The following MYO1D variants were observed in gnomAD, a reference collection of about 807,000 sequenced individuals.
The protein encoded by MYO1D is myosin ID.
A neutral mutation model predicts 122.0 loss-of-function variants in MYO1D; 83 were observed. The ratio of observed to expected loss-of-function variants is 0.68; its 90% CI spans 0.57 to 0.82. The LOEUF (loss-of-function observed/expected upper bound fraction) is 0.82. Among genes scored for constraint, MYO1D ranks in the 40% least tolerant of loss-of-function variants. MYO1D has a pLI of 0.00. For missense variants in MYO1D, 1,157 were observed against 1,269.5 expected, an observed-to-expected ratio of 0.91 and a Z score of 1.35; for synonymous variants, 464 against 446.9, an observed-to-expected ratio of 1.04 and a Z score of -0.48.
At chr17:32,536,886 G>A (rs1217388634) in intron 21 of MYO1D, among the ~76,000 whole-genome samples, 1 of 152,146 alleles carries the variant, frequency 6.6e-6, no homozygotes, top group Non-Finnish European at 1.5e-5. Context: ...TCCTTTCACA[G>A]TTAGAAATCC....
At chr17:32,721,341 T>A (rs2302839) in intron 14 of MYO1D, 152 bp from the exon 15 acceptor site, 6 of 720,510 alleles carry the variant, frequency 8.3e-6, no homozygotes, top group Admixed American at 6.2e-5. Flanking sequence ...TTATTCTTCC[T>A]TTCTCCTTCA....
chr17:32,504,804 A>G (rs1245919445), intron 21 of MYO1D: 2 of 152,290 alleles, frequency 1.3e-5, no homozygotes, highest in Admixed American at 6.5e-5. Flanking sequence ...CACATGGCCA[A>G]TGCTGAGATC....
At chr17:32,798,921 A>G (rs1360016204) in intron 1 of MYO1D, among the ~76,000 whole-genome samples, 1 of 152,222 alleles carries the variant, frequency 6.6e-6, no homozygotes, top group African/African-American at 2.4e-5. Context: ...GGGGCTCAAA[A>G]AGGTTTTTAG....
chr17:32,691,238 C>G (rs866476275), intron 16 of MYO1D, among the ~76,000 whole-genome samples: 43 of 142,166 alleles, frequency 3.0e-4, no homozygotes, highest in Admixed American at 3.6e-4. Context: ...GCCTGGGTGA[C>G]AGAGCAAGAA....
rs781288557 is a variant in MYO1D at position 32,494,757 on chromosome 17, C to T, written c.*2G>A. On this transcript the variant is annotated 3_prime_UTR_variant, in exon 22 of 22. Coordinates refer to ENST00000318217, the MANE Select transcript of MYO1D (RefSeq NM_015194.3). ...GGCTCCGGGCCAGGCCTCCGCGGGGCGTCAGTTCCCGGGCACGCTGAGGAT... is the reference window on the plus strand; with the variant it reads ...GGCTCCGGGCCAGGCCTCCGCGGGGTGTCAGTTCCCGGGCACGCTGAGGAT... The T allele has an allele frequency of 3.1e-6, 5 of 1,595,982 alleles. No individual in the cohort carries two copies. Among genetic ancestry groups the T allele is most frequent in the East Asian group, 4.6e-5 (2 of 43,716 alleles).
intron 1 of MYO1D, among the ~76,000 whole-genome samples, chr17:32,783,225 C>T (rs996487039): frequency 5.9e-5 from 9 of 151,884 alleles, no homozygotes; most frequent in African/African-American, 1.9e-4. Context: ...AACTAAGAGT[C>T]ACAGCAAATT....
intron 21 of MYO1D, among the ~76,000 whole-genome samples, chr17:32,522,857 C>A (rs139634818): frequency 0.026 from 3,957 of 151,298 alleles, 163 homozygotes; most frequent in African/African-American, 0.092. Context: ...CGCTCTGTCG[C>A]CCAGGCTGGA....
intron 1 of MYO1D, among the ~76,000 whole-genome samples, chr17:32,860,834 G>A (rs2091066516): frequency 6.6e-6 from 1 of 152,106 alleles, no homozygotes; most frequent in Non-Finnish European, 1.5e-5. Flanking sequence ...TTCCCTTCCG[G>A]CATTAAAATT....
intron 1 of MYO1D, among the ~76,000 whole-genome samples, chr17:32,787,572 C>A (rs948187505): frequency 1.2e-4 from 19 of 152,102 alleles, no homozygotes; most frequent in Non-Finnish European, 2.9e-5. Context: ...GCGCCCACCA[C>A]CACGCCTGGC....
intron 16 of MYO1D, among the ~76,000 whole-genome samples, chr17:32,693,669 C>T (rs577685670): frequency 9.2e-5 from 14 of 152,274 alleles, no homozygotes; most frequent in East Asian, 7.7e-4. Flanking sequence ...ACCCAGGCAA[C>T]GGATTTGCTG....
At chr17:32,595,620 G>A (rs112855010) in intron 21 of MYO1D, among the ~76,000 whole-genome samples, 5,963 of 152,196 alleles carry the variant, frequency 0.039, 403 homozygotes, top group African/African-American at 0.14. Context: ...GCACCCTACC[G>A]CGAGTGGGGC....
chr17:32,719,989 T>C (rs2089491977), intron 15 of MYO1D, among the ~76,000 whole-genome samples: 1 of 152,226 alleles, frequency 6.6e-6, no homozygotes, highest in African/African-American at 2.4e-5. Context: ...GATCTTTGTA[T>C]GGCTGGCTGC....
At chr17:32,655,612 G>GA (rs2088465659) in intron 17 of MYO1D, among the ~76,000 whole-genome samples, 1 of 152,188 alleles carries the variant, frequency 6.6e-6, no homozygotes, top group Non-Finnish European at 1.5e-5. Flanking sequence ...AAGGCTCCGG[G>GA]ATGTGAGCTT....
intron 21 of MYO1D, among the ~76,000 whole-genome samples, chr17:32,519,967 C>T (rs118134606): frequency 0.027 from 4,162 of 151,796 alleles, 79 homozygotes; most frequent in Middle Eastern, 0.048. Flanking sequence ...AGGGCTACCC[C>T]CGCAGCCATG....
At chr17:32,578,205 A>T (rs1389838034) in intron 21 of MYO1D, among the ~76,000 whole-genome samples, 2 of 152,248 alleles carry the variant, frequency 1.3e-5, no homozygotes. Flanking sequence ...TCCCTTTGTT[A>T]ATGGTCCTAA....
intron 20 of MYO1D, among the ~76,000 whole-genome samples, chr17:32,605,479 C>CT (rs1336673992): frequency 1.4e-5 from 2 of 137,982 alleles, no homozygotes; most frequent in African/African-American, 5.0e-5. Flanking sequence ...GCTCAGTGAC[C>CT]CCCTGACTTT....
At chr17:32,815,296 A>G (rs564491712) in intron 1 of MYO1D, among the ~76,000 whole-genome samples, 1 of 152,278 alleles carries the variant, frequency 6.6e-6, no homozygotes, top group Non-Finnish European at 1.5e-5. Context: ...TAAAATACAT[A>G]AACTGTAGGA....
intron 1 of MYO1D, among the ~76,000 whole-genome samples, chr17:32,844,127 A>G (rs1435397631): frequency 6.7e-6 from 1 of 149,856 alleles, no homozygotes; most frequent in African/African-American, 2.5e-5. Flanking sequence ...ATTCTATTAT[A>G]TGTAACACAA....
intron 20 of MYO1D, among the ~76,000 whole-genome samples, chr17:32,617,473 G>C (rs1414083769): frequency 1.3e-5 from 2 of 152,080 alleles, no homozygotes; most frequent in African/African-American, 2.4e-5. Flanking sequence ...GCTGTTGTCT[G>C]TTGTTGGCCT....
Sources: allele counts gnomAD v4.1 joint callset (sites outside exome capture counted in the v4.1 genomes callset), GRCh38; gene constraint gnomAD v4.1.1; transcripts MANE v1.5; gene names NCBI Gene and HGNC (gene_info 2026-07-23, HGNC 2026-07-21).